Variants in PPP4R3B observed in about 807,000 individuals in gnomAD.
PPP4R3B encodes protein phosphatase 4 regulatory subunit 3B.
PPP4R3B carries 52 observed loss-of-function variants against 95.4 expected under a neutral mutation model. That is an observed-to-expected ratio of 0.54 (90% confidence interval 0.44 to 0.69). The LOEUF is 0.69. PPP4R3B is among the 30% of genes least tolerant of loss of function. The pLI is 0.00. For synonymous variants in PPP4R3B, 407 were observed against 343.9 expected, an observed-to-expected ratio of 1.18 and a Z score of -2.03; for missense variants, 1,003 against 1,005.9, an observed-to-expected ratio of 1.00 and a Z score of 0.04.
Position 55,565,014 on chromosome 2 carries a change from T to A in PPP4R3B, c.1963A>T (p.Ile655Leu), listed in dbSNP as rs1162910709. The change falls in exon 14 of 17, where the codon ATA (isoleucine) becomes TTA (leucine). Residue 655 changes from isoleucine (I) to leucine (L), a missense_variant. By Grantham distance (5) the Ile-to-Leu change is conservative. Transcript: ENST00000616407. ...AGTGCTTTATAAAAGTTTTCAACTA[T>A]ATGGGCAGTAAGAGACTTGATATCT... is the stretch of plus-strand genomic sequence containing the variant. ...VEDIKSLTAH[I>L]VENFYKALES... The A allele has an allele frequency of 1.2e-6, 2 of 1,603,756 alleles. No individual in the cohort carries two copies. The highest frequency in any genetic ancestry group is 1.7e-6 in the Non-Finnish European group (2 of 1,175,166).
chr2:55,601,816 T>C (rs1477111415), intron 3 of PPP4R3B, among the ~76,000 whole-genome samples: 1 of 152,234 alleles, frequency 6.6e-6, no homozygotes, highest in Admixed American at 6.5e-5. Context: ...ATCTTATCTA[T>C]ATAAATCTTA....
intron 15 of PPP4R3B, 21 bp downstream of exon 15, chr2:55,564,292 A>T: frequency 6.2e-7 from 1 of 1,603,150 alleles, no homozygotes. Context: ...TACACTGTGC[A>T]AAAATTCCGA....
intron 2 of PPP4R3B, among the ~76,000 whole-genome samples, chr2:55,613,759 T>C (rs1694516985): frequency 6.6e-6 from 1 of 151,540 alleles, no homozygotes; most frequent in South Asian, 2.1e-4. Context: ...TAGTTACATT[T>C]AAGAACAAAG....
intron 4 of PPP4R3B, among the ~76,000 whole-genome samples, chr2:55,594,308 A>T (rs954049014): frequency 1.3e-5 from 2 of 152,066 alleles, no homozygotes; most frequent in Admixed American, 6.6e-5. Context: ...AAAATAAAAA[A>T]AAAAAAAAAA....
chr2:55,570,146 A>G (rs1346055821), intron 12 of PPP4R3B, among the ~76,000 whole-genome samples: 1 of 152,180 alleles, frequency 6.6e-6, no homozygotes, highest in East Asian at 1.9e-4. Context: ...GCTACTCGGG[A>G]GGCTGCGGCA....
chr2:55,604,567 T>C (rs955423535), intron 2 of PPP4R3B, among the ~76,000 whole-genome samples: 1 of 152,016 alleles, frequency 6.6e-6, no homozygotes, highest in African/African-American at 2.4e-5. Context: ...TCTTAAGAAA[T>C]GTAACACCAT....
intron 7 of PPP4R3B, among the ~76,000 whole-genome samples, chr2:55,583,122 T>A (rs1041324581): frequency 1.3e-5 from 2 of 152,158 alleles, no homozygotes; most frequent in Non-Finnish European, 2.9e-5. Context: ...GCATTTATTT[T>A]AAAAGGGCAC....
intron 7 of PPP4R3B, among the ~76,000 whole-genome samples, chr2:55,583,286 T>C (rs13015018): frequency 0.23 from 34,705 of 151,932 alleles, 4,097 homozygotes; most frequent in East Asian, 0.35. Context: ...CTAAATTATT[T>C]TGAGGCAACA....
At chr2:55,586,995 T>C (rs966477729) in intron 5 of PPP4R3B, among the ~76,000 whole-genome samples, 9 of 152,206 alleles carry the variant, frequency 5.9e-5, no homozygotes, top group African/African-American at 2.2e-4. Flanking sequence ...GAAAGACACA[T>C]CATAAGCTGC....
chr2:55,560,338 G>A (rs1181538671), intron 15 of PPP4R3B, among the ~76,000 whole-genome samples: 3 of 152,220 alleles, frequency 2.0e-5, no homozygotes, highest in South Asian at 2.1e-4. Context: ...GAACTTATTC[G>A]GAACTGGAGT....
intron 13 of PPP4R3B, among the ~76,000 whole-genome samples, chr2:55,567,302 T>C (rs1687435732): frequency 1.3e-5 from 2 of 152,238 alleles, no homozygotes; most frequent in African/African-American, 4.8e-5. Context: ...GGTGTCTTAA[T>C]TTCCTGATCT....
At chr2:55,564,870 T>C in intron 14 of PPP4R3B, 32 bp downstream of exon 14, 2 of 1,591,826 alleles carry the variant, frequency 1.3e-6, no homozygotes, top group East Asian at 2.3e-5. Context: ...CACAGTTTTG[T>C]AGGCTATAAA....
At chr2:55,574,671 G>T (rs1309419030) in intron 11 of PPP4R3B, among the ~76,000 whole-genome samples, 1 of 150,568 alleles carries the variant, frequency 6.6e-6, no homozygotes, top group Non-Finnish European at 1.5e-5. Context: ...TTGGCTCACA[G>T]TAAGCTCCAT....
intron 2 of PPP4R3B, among the ~76,000 whole-genome samples, chr2:55,608,722 T>C (rs1049652264): frequency 6.6e-6 from 1 of 152,238 alleles, no homozygotes; most frequent in Admixed American, 6.5e-5. Flanking sequence ...TGGAGGCTCA[T>C]GCCTGTAATC....
intron 2 of PPP4R3B, among the ~76,000 whole-genome samples, chr2:55,605,953 C>T (rs1479312967): frequency 6.7e-6 from 1 of 148,796 alleles, no homozygotes; most frequent in African/African-American, 2.5e-5. Context: ...TCATCATCCA[C>T]AAAAGTTTTC....
At chr2:55,598,265 C>T in intron 4 of PPP4R3B, 151 bp downstream of exon 4, 1 of 786,362 alleles carries the variant, frequency 1.3e-6, no homozygotes, top group Non-Finnish European at 1.9e-6. Context: ...GACATAAAGT[C>T]CCAATTTCTT....
At chr2:55,594,151 G>A (rs1406024941) in intron 4 of PPP4R3B, among the ~76,000 whole-genome samples, 1 of 152,022 alleles carries the variant, frequency 6.6e-6, no homozygotes, top group Non-Finnish European at 1.5e-5. Context: ...TCCAAAAAGG[G>A]GTAGGATGGG....
chr2:55,583,952 TC>T (rs928190139), intron 7 of PPP4R3B, among the ~76,000 whole-genome samples: 6 of 152,178 alleles, frequency 3.9e-5, no homozygotes, highest in African/African-American at 1.4e-4. Flanking sequence ...ATGCCTTTAA[TC>T]CCAGCACTTT....
intron 8 of PPP4R3B, among the ~76,000 whole-genome samples, chr2:55,580,119 T>G (rs1689245025): frequency 6.6e-6 from 1 of 152,154 alleles, no homozygotes; most frequent in Non-Finnish European, 1.5e-5. Flanking sequence ...CAAAATAATT[T>G]TTTAAAAAGA....
Sources: gnomAD v4.1 joint callset for allele counts (sites outside exome capture counted in the v4.1 genomes callset) on GRCh38, gnomAD v4.1.1 for gene constraint, MANE v1.5 for transcripts, NCBI Gene and HGNC (gene_info 2026-07-23, HGNC 2026-07-21) for gene names.